Variants in STXBP2 observed in about 807,000 individuals in gnomAD.
STXBP2 encodes the protein syntaxin binding protein 2.
STXBP2 carries 47 observed loss-of-function variants against 72.2 expected under a neutral mutation model. The ratio of observed to expected loss-of-function variants is 0.65; its 90% confidence interval spans 0.51 to 0.83. The LOEUF is 0.83. STXBP2 is among the 40% of genes least tolerant of loss of function. STXBP2 has a pLI of 0.00. For missense variants in STXBP2, 702 were observed against 807.6 expected (o/e 0.87, Z 1.58); for synonymous variants, 367 against 338.7 (o/e 1.08, Z -0.92).
In STXBP2 at chr19:7,640,311, TGC is replaced by T. The variant is rs1457287813; in HGVS notation, c.247-419_247-418del. The stretch of plus-strand genomic sequence containing the variant: ...GTGTGCATGTGTCTATGTATGTGTG[TGC>T]ATCTGTGTGTGCGTGTGTATGCGTG... On this transcript the variant is annotated intron_variant, in intron 4 of 18. Transcript: ENST00000221283. 69 of 556,928 alleles carry T rather than the reference TGC, an allele frequency of 1.2e-4. No homozygotes were observed. The African/African-American group carries it at 1.2e-3, about 10-fold the overall frequency. The allele number at this position is 556,928 out of a possible 1,614,324, so 34.5% of individuals were successfully genotyped here.
upstream of STXBP2, chr19:7,632,241 C>T: frequency 8.1e-7 from 1 of 1,231,832 alleles, no homozygotes; most frequent in Non-Finnish European, 1.1e-6. This position sits in a 1 kb window ranked among gnomAD's most constrained non-coding sequence, Gnocchi z 5.2. Flanking sequence ...CCCCTCTAGC[C>T]ACTGCCTGGG....
Position 7,642,561 on chromosome 19 carries a change from C to A in STXBP2, c.902+25C>A, listed in dbSNP as rs1434362768. The A allele has an allele frequency of 6.2e-7, 1 of 1,609,580 alleles. No individual in the cohort carries two copies. On this transcript the variant is annotated intron_variant, in intron 10 of 18. Coordinates refer to ENST00000221283, the MANE Select transcript of STXBP2 (RefSeq NM_006949.4). The surrounding 1 kb of genome is among the most constrained non-coding windows in gnomAD (Gnocchi z 6.0). The stretch of plus-strand genomic sequence containing the variant: ...AGTGCGTGCACACGGGGACCGGATC[C>A]CCCCCCCACCGCCCACTGTGGGCCT...
At chr19:7,632,484 A>G (rs2031358693), upstream of STXBP2, 1 of 1,613,666 alleles carries the variant, frequency 6.2e-7, no homozygotes, top group East Asian at 2.2e-5. This position sits in a 1 kb window ranked among gnomAD's most constrained non-coding sequence, Gnocchi z 5.2. Flanking sequence ...CAGCATGTCC[A>G]TGAGGCTGTC....
Position 7,642,323 on chromosome 19 carries a change from G to A in STXBP2, c.784G>A (p.Asp262Asn), listed in dbSNP as rs749059785. Residue 262 changes from aspartate to asparagine, a missense_variant, in exon 9 of 19, where the codon GAC becomes AAC. Physicochemically the swap from Asp to Asn is conservative, Grantham distance 23. Coordinates refer to ENST00000221283, the MANE Select transcript of STXBP2 (RefSeq NM_006949.4). The surrounding 1 kb of genome is among the most constrained non-coding windows in gnomAD (Gnocchi z 6.0). Reference protein sequence around the residue: ...MAYDLLDIEQDTYRYETTGLS... With the variant: ...MAYDLLDIEQNTYRYETTGLS... ...GTATGATCTGCTGGACATAGAGCAG[G>A]ACACATACAGGTCTGCAGACTTGGA... The A allele has an allele frequency of 7.4e-6, 12 of 1,613,890 alleles. No homozygotes were observed. Among genetic ancestry groups the A allele is most frequent in the Admixed American group, 3.3e-5 (2 of 60,010 alleles).
At chr19:7,630,763 C>T in the STXBP2 span, 1 of 1,536,490 alleles carries the variant, frequency 6.5e-7, no homozygotes, top group Non-Finnish European at 8.7e-7. Flanking sequence ...GCCGACCCTG[C>T]CCTGATGTGG....
intron 4 of STXBP2, 163 bp downstream of exon 4, chr19:7,639,970 ATGCATGTGTGTGCGTGTT>A: frequency 2.5e-6 from 2 of 787,976 alleles, no homozygotes. Context: ...GCATCTGTGT[ATGCATGTGTGTGCGTGTT>A]TGCATGTGTG....
rs759087622 is a variant in STXBP2 at position 7,642,038 on chromosome 19, C to T, written c.583C>T (p.Pro195Ser). ...EYPAIRYRKG[P>S]EDTAQLAHAV... ...CGTGTCTGACCTCCCCGCCAGGGGCCCAGAGGACACAGCCCAGTTGGCCCA... is the reference window on the plus strand; with the variant it reads ...CGTGTCTGACCTCCCCGCCAGGGGCTCAGAGGACACAGCCCAGTTGGCCCA... Residue 195 changes from proline (P) to serine (S), a missense_variant, in exon 8 of 19, where the codon CCA becomes TCA. Physicochemically the swap from Pro to Ser is moderately conservative, Grantham distance 74 (BLOSUM62 -1). Transcript: ENST00000221283. This position sits in a 1 kb window ranked among gnomAD's most constrained non-coding sequence, Gnocchi z 6.0. 1 of 1,614,040 alleles carries T rather than the reference C, an allele frequency of 6.2e-7. No homozygotes were observed. The highest frequency in any genetic ancestry group is 8.5e-7 in the Non-Finnish European group (1 of 1,179,962).
intron 4 of STXBP2, chr19:7,640,437 T>C: frequency 1.5e-6 from 1 of 649,782 alleles, no homozygotes; most frequent in Non-Finnish European, 2.8e-6. Flanking sequence ...CATCTGTGTG[T>C]GTGCATGTGT....
the STXBP2 span, chr19:7,631,364 GC>G: frequency 7.2e-7 from 1 of 1,380,724 alleles, no homozygotes; most frequent in Non-Finnish European, 9.5e-7. Context: ...GAACCCTGAA[GC>G]CGTGGTCTGG....
chr19:7,633,596 C>A, upstream of STXBP2: 2 of 752,062 alleles, frequency 2.7e-6, no homozygotes, highest in South Asian at 1.8e-5. Context: ...TGCTCCCACC[C>A]AAGCTTAAGC....
At chr19:7,639,949 CAT>C (rs777338158) in intron 4 of STXBP2, 142 bp downstream of exon 4, 6 of 709,828 alleles carry the variant, frequency 8.5e-6, no homozygotes, top group African/African-American at 2.0e-5. Context: ...CATGTGTGTG[CAT>C]GTGTGTGTGC....
At chr19:7,641,959 C>G in intron 7 of STXBP2, 75 bp from the exon 8 acceptor site, 1 of 1,608,336 alleles carries the variant, frequency 6.2e-7, no homozygotes, top group Non-Finnish European at 8.5e-7. Context: ...CTACCCTGGC[C>G]CCTGACTCTC....
the STXBP2 span, chr19:7,629,863 C>T: frequency 5.2e-6 from 8 of 1,533,252 alleles, no homozygotes; most frequent in African/African-American, 2.7e-5. Context: ...TATTTCGGGT[C>T]AGTGGACACA....
chr19:7,631,679 C>CCT, the STXBP2 span: 140 of 1,459,396 alleles, frequency 9.6e-5, no homozygotes, highest in Non-Finnish European at 1.2e-4. Flanking sequence ...ACCCAGGATG[C>CCT]CTCAGGCCCT....
At chr19:7,641,317 C>T (rs1324136070) in intron 6 of STXBP2, 7 of 498,768 alleles carry the variant, frequency 1.4e-5, no homozygotes, top group Non-Finnish European at 2.2e-5. Context: ...CTGCAGTGAG[C>T]TATGATTGCA....
intron 3 of STXBP2, 119 bp from the exon 4 acceptor site, chr19:7,639,612 G>A (rs922403755): frequency 1.2e-5 from 11 of 916,068 alleles, no homozygotes; most frequent in Non-Finnish European, 1.7e-5. Flanking sequence ...GGTTTCTCCT[G>A]CAGTCCCTCC....
chr19:7,642,975 T>G lies in STXBP2; in HGVS notation c.961-8T>G. ...CCAATCCCTACCCTCTTCCCCCTAC[T>G]TCCCCAGGCGAACATCAAAGACCTA... On this transcript the variant is annotated splice_polypyrimidine_tract_variant and splice_region_variant and intron_variant, in intron 11 of 18. Coordinates refer to ENST00000221283, the MANE Select transcript of STXBP2 (RefSeq NM_006949.4). This position sits in a 1 kb window ranked among gnomAD's most constrained non-coding sequence, Gnocchi z 6.0. 1 of 1,613,934 alleles carries G rather than the reference T, an allele frequency of 6.2e-7. No individual in the cohort carries two copies. Among genetic ancestry groups the G allele is most frequent in the Non-Finnish European group, 8.5e-7 (1 of 1,179,982 alleles).
At chr19:7,646,380 C>T (rs1239552500) in intron 16 of STXBP2, 36 bp downstream of exon 16, 2 of 1,558,156 alleles carry the variant, frequency 1.3e-6, no homozygotes, top group South Asian at 1.2e-5. Flanking sequence ...GGCCAGCCCT[C>T]CGCATCGGCT....
At chr19:7,643,079 C>A in intron 12 of STXBP2, 31 bp downstream of exon 12, 3 of 1,614,092 alleles carry the variant, frequency 1.9e-6, no homozygotes, top group Non-Finnish European at 2.5e-6. Context: ...AGCGGGGACA[C>A]CTCGGCCCCT....
Sources: gnomAD v4.1 joint callset for allele counts on GRCh38, gnomAD v4.1.1 for gene constraint, Gnocchi (gnomAD v3.1) non-coding constraint, MANE v1.5 for transcripts, NCBI Gene and HGNC (gene_info 2026-07-23, HGNC 2026-07-21) for gene names.